CEP170: variants seen among roughly 807,000 people sequenced by gnomAD.
The protein encoded by CEP170 is centrosomal protein of 170 kDa.
CEP170 carries 21 observed loss-of-function variants against 151.9 expected under a neutral mutation model. The observed-to-expected ratio is 0.14, with a 90% CI of 0.10 to 0.20. The LOEUF is 0.20. Ranked by LOEUF, CEP170 falls within the 10% of genes least tolerant of loss-of-function variation. The pLI, the probability that CEP170 is intolerant of heterozygous loss-of-function variation, is 1.00. For missense variants in CEP170, 964 were observed against 1,892.9 expected, an observed-to-expected ratio of 0.51 and a Z score of 9.11; for synonymous variants, 356 against 648.8, an observed-to-expected ratio of 0.55 and a Z score of 6.86.
chr1:243,252,847 G>A (rs1302724263), intron 1 of CEP170, among the ~76,000 whole-genome samples: 1 of 151,308 alleles, frequency 6.6e-6, no homozygotes, highest in Non-Finnish European at 1.5e-5. Context: ...AAATTATAAG[G>A]GAAGAAAAAA....
intron 1 of CEP170, among the ~76,000 whole-genome samples, chr1:243,252,584 T>C (rs565456617): frequency 5.3e-5 from 8 of 152,276 alleles, no homozygotes; most frequent in Admixed American, 2.0e-4. Flanking sequence ...ACAGCATTAA[T>C]ATGCAGAATG....
chr1:243,194,044 T>C (rs980897580), intron 7 of CEP170, among the ~76,000 whole-genome samples: 73 of 151,710 alleles, frequency 4.8e-4, no homozygotes, highest in African/African-American at 1.7e-3. Flanking sequence ...ACAATGCCTA[T>C]CCTTGAATAT....
At chr1:243,197,498 T>A (rs546291547) in intron 7 of CEP170, among the ~76,000 whole-genome samples, 2 of 152,102 alleles carry the variant, frequency 1.3e-5, no homozygotes, top group African/African-American at 4.8e-5. Context: ...GAGAGGCCAA[T>A]GAGATGAGAG....
chr1:243,189,833 G>A (rs1187840728), intron 8 of CEP170, among the ~76,000 whole-genome samples: 3 of 152,116 alleles, frequency 2.0e-5, no homozygotes, highest in Non-Finnish European at 4.4e-5. Context: ...TTAACCTACA[G>A]AAACAAAATG....
intron 13 of CEP170, among the ~76,000 whole-genome samples, chr1:243,160,871 A>G (rs1463528313): frequency 6.6e-6 from 1 of 152,172 alleles, no homozygotes; most frequent in Admixed American, 6.5e-5. Context: ...AGTCTCAAAA[A>G]ATTCTAAGGA....
At chr1:243,250,601 C>G (rs2065847368) in intron 1 of CEP170, among the ~76,000 whole-genome samples, 1 of 152,292 alleles carries the variant, frequency 6.6e-6, no homozygotes, top group Admixed American at 6.5e-5. Flanking sequence ...AACAAAACCC[C>G]ATGACCAACA....
chr1:243,219,718 A>G (rs747564980), intron 3 of CEP170, among the ~76,000 whole-genome samples: 6 of 152,234 alleles, frequency 3.9e-5, no homozygotes, highest in Non-Finnish European at 7.3e-5. Flanking sequence ...ACAATATAAC[A>G]TTGTCAAAAT....
chr1:243,156,071 G>A, intron 14 of CEP170, 150 bp downstream of exon 14: 1 of 1,169,446 alleles, frequency 8.6e-7, no homozygotes, highest in Non-Finnish European at 1.2e-6. Flanking sequence ...TGGATAGAGA[G>A]TAATACTACT....
intron 3 of CEP170, among the ~76,000 whole-genome samples, chr1:243,219,049 A>C (rs1204181669): frequency 6.6e-6 from 1 of 152,240 alleles, no homozygotes; most frequent in Non-Finnish European, 1.5e-5. Context: ...AAAATGCATG[A>C]TAGTTGGTAG....
chr1:243,231,234 C>T (rs2063736582), intron 1 of CEP170, among the ~76,000 whole-genome samples: 1 of 148,758 alleles, frequency 6.7e-6, no homozygotes, highest in African/African-American at 2.5e-5. Context: ...TTTAAGCAAG[C>T]AGAAATTAAG....
At chr1:243,219,997 G>A (rs1219420324) in intron 3 of CEP170, among the ~76,000 whole-genome samples, 1 of 152,184 alleles carries the variant, frequency 6.6e-6, no homozygotes, top group Non-Finnish European at 1.5e-5. Flanking sequence ...CTAGCAAAGA[G>A]GAGTTGAGAA....
intron 1 of CEP170, among the ~76,000 whole-genome samples, chr1:243,235,869 T>C (rs899338791): frequency 1.2e-4 from 18 of 152,110 alleles, no homozygotes; most frequent in African/African-American, 4.3e-4. Flanking sequence ...TTAAAGAAAA[T>C]ACCTAAGAAA....
chr1:243,222,067 A>G (rs1419787197), intron 2 of CEP170, among the ~76,000 whole-genome samples: 1 of 152,252 alleles, frequency 6.6e-6, no homozygotes, highest in East Asian at 1.9e-4. Flanking sequence ...AATTTACATC[A>G]GCTGACTTCG....
At chr1:243,138,296 C>G (rs1045207912) in intron 16 of CEP170, among the ~76,000 whole-genome samples, 1 of 150,728 alleles carries the variant, frequency 6.6e-6, no homozygotes, top group Non-Finnish European at 1.5e-5. Flanking sequence ...AGGCTCTTTT[C>G]CTGATACCAA....
intron 3 of CEP170, among the ~76,000 whole-genome samples, chr1:243,219,271 T>C (rs1010686024): frequency 2.0e-5 from 3 of 152,252 alleles, no homozygotes; most frequent in Non-Finnish European, 4.4e-5. Flanking sequence ...AGATTCTGCA[T>C]TGCATCTTTG....
intron 17 of CEP170, among the ~76,000 whole-genome samples, chr1:243,132,139 C>G (rs1462689971): frequency 6.6e-6 from 1 of 152,114 alleles, no homozygotes; most frequent in Non-Finnish European, 1.5e-5. Flanking sequence ...AGGATGAACC[C>G]CAGTAGACAT....
At chr1:243,160,451 G>C (rs1230967654) in intron 13 of CEP170, among the ~76,000 whole-genome samples, 1 of 152,024 alleles carries the variant, frequency 6.6e-6, no homozygotes, top group Non-Finnish European at 1.5e-5. Flanking sequence ...ATTCCCTCTT[G>C]TGTTGTAGTA....
intron 1 of CEP170, among the ~76,000 whole-genome samples, chr1:243,250,175 T>C (rs1238005833): frequency 2.6e-5 from 4 of 152,248 alleles, no homozygotes; most frequent in Non-Finnish European, 4.4e-5. Context: ...CCTCCCAGCA[T>C]CTTTTATTTA....
Position 243,141,812 on chromosome 1 carries a change from A to C in CEP170, c.4059+504T>G, listed in dbSNP as rs1445210081. ...ATGTATTTATATGTGTGTATATTAC[A>C]TATGTATTTCAATTTTTCAAAATAT... On this transcript the variant is annotated intron_variant, in intron 15 of 19. Coordinates refer to ENST00000366542, the MANE Select transcript of CEP170 (RefSeq NM_014812.3). 5.3e-5 allele frequency among the ~76,000 whole-genome samples: 8 copies of C among 152,218 alleles called. No homozygotes were observed. In the East Asian group the frequency reaches 1.5e-3, roughly 29 times the overall value.
Sources: allele counts gnomAD v4.1 joint callset (sites outside exome capture counted in the v4.1 genomes callset), GRCh38; gene constraint gnomAD v4.1.1; transcripts MANE v1.5; gene names NCBI Gene and HGNC (gene_info 2026-07-23, HGNC 2026-07-21).